PBLD: variants seen among roughly 807,000 people sequenced by gnomAD.
PBLD encodes phenazine biosynthesis like protein domain containing.
A neutral mutation model predicts 31.3 loss-of-function variants in PBLD; 26 were observed. That is an observed-to-expected ratio of 0.83 (90% CI 0.61 to 1.15). The LOEUF (loss-of-function observed/expected upper bound fraction) is 1.15, where lower values mean the gene tolerates loss of function less well. PBLD is among the 50% of genes most tolerant of loss of function. The pLI is 0.00. For synonymous variants in PBLD, 114 were observed against 129.0 expected (o/e 0.88, Z 0.79); for missense variants, 307 against 351.7 (o/e 0.87, Z 1.02).
chr10:68,302,336 C>T (rs1312065227), intron 2 of PBLD, among the ~76,000 whole-genome samples: 1 of 152,112 alleles, frequency 6.6e-6, no homozygotes. Flanking sequence ...GCCTTATGAC[C>T]CACAAAGATT....
At chr10:68,327,576 A>G (rs1034452413) in intron 1 of PBLD, among the ~76,000 whole-genome samples, 5 of 149,806 alleles carry the variant, frequency 3.3e-5, no homozygotes, top group Non-Finnish European at 5.9e-5. Flanking sequence ...CAGGAGGCTG[A>G]GGCAGGAGAA....
chr10:68,319,628 G>A (rs1160598193), intron 1 of PBLD, among the ~76,000 whole-genome samples: 1 of 152,026 alleles, frequency 6.6e-6, no homozygotes, highest in Non-Finnish European at 1.5e-5. Flanking sequence ...GGCTGAGGCA[G>A]GAGAATCACT....
rs551137319 is a variant in PBLD at position 68,288,659 on chromosome 10, G to T, written c.515C>A (p.Ser172Ter). Reference sequence around the variant, plus strand: ...GTTCACTTTCAGGTTCTCCAGAAACGACCTTGTTCATAAACAAGATGGATT... The same window carrying T: ...GTTCACTTTCAGGTTCTCCAGAAACTACCTTGTTCATAAACAAGATGGATT... ...LVRLSDVYNR[S>*]FLENLKVNTE... The change falls in exon 8 of 10, where the codon TCG (serine) becomes TAG (stop). Residue 172 changes from serine to a stop codon, truncating the protein, a stop_gained and splice_region_variant. Transcript: ENST00000358769. LOFTEE classifies it high-confidence loss of function. The T allele has an allele frequency of 1.9e-6, 3 of 1,613,518 alleles. No homozygotes were observed. Among genetic ancestry groups the T allele is most frequent in the East Asian group, 2.2e-5 (1 of 44,888 alleles).
chr10:68,318,145 A>T (rs2044761776), intron 1 of PBLD, among the ~76,000 whole-genome samples: 1 of 150,314 alleles, frequency 6.7e-6, no homozygotes, highest in Admixed American at 6.6e-5. Context: ...GAGAATGGTG[A>T]GAACCTGGGA....
chr10:68,301,480 G>A (rs2044505532), intron 2 of PBLD, among the ~76,000 whole-genome samples: 1 of 152,188 alleles, frequency 6.6e-6, no homozygotes, highest in East Asian at 1.9e-4. Context: ...ACACCTGATA[G>A]AAACTGGGAG....
intron 1 of PBLD, among the ~76,000 whole-genome samples, chr10:68,310,195 C>CT (rs534475833): frequency 6.7e-6 from 1 of 149,178 alleles, no homozygotes; most frequent in East Asian, 2.1e-4. Flanking sequence ...ACACCATCTA[C>CT]TTTTTTTTCA....
At chr10:68,299,426 C>A (rs932901853) in intron 2 of PBLD, among the ~76,000 whole-genome samples, 1 of 152,132 alleles carries the variant, frequency 6.6e-6, no homozygotes, top group African/African-American at 2.4e-5. Context: ...ATTCACTTCT[C>A]TGAGTTATCC....
intron 4 of PBLD, among the ~76,000 whole-genome samples, chr10:68,295,523 A>T (rs1416840420): frequency 6.6e-6 from 1 of 151,888 alleles, no homozygotes; most frequent in African/African-American, 2.4e-5. Flanking sequence ...TTTATTGAAG[A>T]ATCTCTTATT....
chr10:68,313,061 T>A (rs2044692212), intron 1 of PBLD, among the ~76,000 whole-genome samples: 1 of 152,010 alleles, frequency 6.6e-6, no homozygotes, highest in Admixed American at 6.6e-5. Context: ...ACTACAAGCA[T>A]GCACCACCAC....
Position 68,296,280 on chromosome 10 carries a change from A to G in PBLD, c.269T>C (p.Leu90Pro). ...AATCACATTACTTATTTTGTGAAACAGCACAGCTGCAGAAGCCAGGGTGGC... is the reference window on the plus strand; with the variant it reads ...AATCACATTACTTATTTTGTGAAACGGCACAGCTGCAGAAGCCAGGGTGGC... ...GHATLASAAVLFHKIKNMNST... is the reference protein window; with the variant it reads ...GHATLASAAVPFHKIKNMNST... The change falls in exon 4 of 10, where the codon CTG becomes CCG. Residue 90 changes from leucine to proline, a missense_variant. By Grantham distance (98) the Leu-to-Pro change is moderately conservative. Coordinates refer to ENST00000358769, the MANE Select transcript of PBLD (RefSeq NM_022129.4). The G allele has an allele frequency of 6.2e-7, 1 of 1,612,966 alleles. No homozygotes were observed. Among genetic ancestry groups the G allele is most frequent in the South Asian group, 1.1e-5 (1 of 91,014 alleles).
At chr10:68,312,370 T>C (rs952508821) in intron 1 of PBLD, among the ~76,000 whole-genome samples, 4 of 152,200 alleles carry the variant, frequency 2.6e-5, no homozygotes, top group South Asian at 2.1e-4. Context: ...TTTTTTATAA[T>C]AGTCATTCAA....
intron 1 of PBLD, among the ~76,000 whole-genome samples, chr10:68,311,381 T>C (rs1047349127): frequency 3.3e-5 from 5 of 151,822 alleles, no homozygotes; most frequent in African/African-American, 2.4e-5. Context: ...GGTCAGAAGA[T>C]TGAGACCATC....
chr10:68,301,803 C>T (rs371904654), intron 2 of PBLD, among the ~76,000 whole-genome samples: 14 of 152,264 alleles, frequency 9.2e-5, no homozygotes, highest in East Asian at 3.9e-4. Flanking sequence ...TTAGCTAGGA[C>T]GCAAAGTCCA....
chr10:68,323,185 G>A (rs965706678), intron 1 of PBLD, among the ~76,000 whole-genome samples: 1 of 152,032 alleles, frequency 6.6e-6, no homozygotes, highest in Non-Finnish European at 1.5e-5. Flanking sequence ...CAATAGCCAT[G>A]GGAGTGAGCT....
intron 1 of PBLD, among the ~76,000 whole-genome samples, chr10:68,317,777 A>G (rs1300964340): frequency 6.6e-6 from 1 of 152,016 alleles, no homozygotes; most frequent in Non-Finnish European, 1.5e-5. Context: ...CAGCCTGGGC[A>G]GTGACAGAAT....
intron 2 of PBLD, among the ~76,000 whole-genome samples, chr10:68,304,945 G>A (rs75253490): frequency 1.3e-5 from 2 of 152,302 alleles, no homozygotes; most frequent in East Asian, 3.9e-4. Flanking sequence ...TCTGCATTTT[G>A]TGGAGAGAAA....
chr10:68,309,764 G>A (rs10762220), intron 1 of PBLD, among the ~76,000 whole-genome samples: 108,431 of 141,040 alleles, frequency 0.77, 43,343 homozygotes, highest in Non-Finnish European at 0.86. Flanking sequence ...CCGAGATCAC[G>A]CCACTGCTCT....
chr10:68,329,064 A>C (rs2044971198), intron 1 of PBLD, among the ~76,000 whole-genome samples: 1 of 152,182 alleles, frequency 6.6e-6, no homozygotes, highest in African/African-American at 2.4e-5. Flanking sequence ...GTTTTAGCAG[A>C]GACAGAGTTT....
At chr10:68,317,493 G>A (rs2044750711) in intron 1 of PBLD, among the ~76,000 whole-genome samples, 1 of 152,028 alleles carries the variant, frequency 6.6e-6, no homozygotes, top group Non-Finnish European at 1.5e-5. Flanking sequence ...TTTCAGGATG[G>A]CCACTATCAA....
Sources: allele counts gnomAD v4.1 joint callset (sites outside exome capture counted in the v4.1 genomes callset), GRCh38; gene constraint gnomAD v4.1.1; transcripts MANE v1.5; gene names NCBI Gene and HGNC (gene_info 2026-07-23, HGNC 2026-07-21).